Variants in PLPPR4 observed in about 807,000 individuals in gnomAD.
PLPPR4 encodes phospholipid phosphatase-related protein type 4.
PLPPR4 carries 24 observed loss-of-function variants against 56.6 expected under a neutral mutation model. That is an observed-to-expected ratio of 0.42 (90% confidence interval 0.31 to 0.60). The LOEUF is 0.60. Ranked by LOEUF, PLPPR4 falls within the 20% of genes least tolerant of loss-of-function variation. The probability of loss-of-function intolerance (pLI) is 0.13; values close to 1 mark genes in which losing one functional copy is unlikely to be tolerated. For missense variants in PLPPR4, 654 were observed against 885.8 expected (o/e 0.74, Z 3.32); for synonymous variants, 326 against 328.1 (o/e 0.99, Z 0.07).
chr1:99,298,116 A>T (rs941909057), intron 3 of PLPPR4, among the ~76,000 whole-genome samples: 2 of 152,164 alleles, frequency 1.3e-5, no homozygotes, highest in Admixed American at 6.6e-5. Context: ...AATGTAAAAC[A>T]GGGTAATGTG....
At chr1:99,305,307 A>T (rs575984096) in intron 6 of PLPPR4, among the ~76,000 whole-genome samples, 1 of 152,320 alleles carries the variant, frequency 6.6e-6, no homozygotes, top group East Asian at 1.9e-4. Context: ...TAAATCATTT[A>T]AGCCATTTGA....
In PLPPR4 at chr1:99,301,826, A is replaced by C; in HGVS notation, c.751A>C (p.Thr251Pro). 1 of 1,612,888 alleles carries C rather than the reference A, an allele frequency of 6.2e-7. No homozygotes were observed. Among genetic ancestry groups the C allele is most frequent in the Non-Finnish European group, 8.5e-7 (1 of 1,179,094 alleles). The change falls in exon 6 of 7, where the codon ACT (threonine) becomes CCT (proline). Residue 251 changes from threonine to proline, a missense_variant. This residue lies in a region of PLPPR4 where 186 missense variants were observed against 331.4 expected (regional missense o/e 0.56). Transcript: ENST00000370185. ...CGIICGLTRI[T>P]QYKNHPVDVY... Reference sequence around the variant, plus strand: ...AATAATCTGCGGGCTAACACGGATAACTCAGTATAAGAACCACCCAGTTGA... The same window carrying C: ...AATAATCTGCGGGCTAACACGGATACCTCAGTATAAGAACCACCCAGTTGA...
At chr1:99,286,156 T>C (rs1257969626) in intron 1 of PLPPR4, among the ~76,000 whole-genome samples, 1 of 152,188 alleles carries the variant, frequency 6.6e-6, no homozygotes, top group Non-Finnish European at 1.5e-5. Context: ...ATGAATAACT[T>C]TTAGTGTGAG....
intron 3 of PLPPR4, among the ~76,000 whole-genome samples, chr1:99,297,103 T>C (rs819908): frequency 0.58 from 87,727 of 151,926 alleles, 26,173 homozygotes; most frequent in African/African-American, 0.72. Context: ...TGTGTTTCAA[T>C]TTATTTTTGC....
chr1:99,264,734 G>A, intron 1 of PLPPR4, 63 bp downstream of exon 1: 2 of 1,521,570 alleles, frequency 1.3e-6, no homozygotes, highest in Admixed American at 2.0e-5. Flanking sequence ...GCGAATTCAG[G>A]TCCTGGACAG....
At chr1:99,294,709 A>G (rs537646500) in intron 2 of PLPPR4, among the ~76,000 whole-genome samples, 3 of 152,066 alleles carry the variant, frequency 2.0e-5, no homozygotes, top group African/African-American at 4.8e-5. Context: ...AAAAAAAAAA[A>G]AAAACTCCTG....
intron 1 of PLPPR4, among the ~76,000 whole-genome samples, chr1:99,287,024 A>G (rs888240038): frequency 6.6e-6 from 1 of 151,898 alleles, no homozygotes; most frequent in African/African-American, 2.4e-5. Context: ...CCTGTCTTCT[A>G]AGTTCCCTCC....
At chr1:99,273,755 G>A (rs1659114985) in intron 1 of PLPPR4, among the ~76,000 whole-genome samples, 1 of 152,032 alleles carries the variant, frequency 6.6e-6, no homozygotes, top group Non-Finnish European at 1.5e-5. Flanking sequence ...GTCTATAGTA[G>A]AATTTCAATA....
chr1:99,268,616 A>AACC (rs1293983776), intron 1 of PLPPR4, among the ~76,000 whole-genome samples: 1 of 152,174 alleles, frequency 6.6e-6, no homozygotes, highest in Admixed American at 6.5e-5. Flanking sequence ...GGTTGACAGT[A>AACC]ATATTAGATG....
intron 6 of PLPPR4, among the ~76,000 whole-genome samples, chr1:99,303,340 C>G (rs1165491053): frequency 6.6e-6 from 1 of 152,012 alleles, no homozygotes; most frequent in African/African-American, 2.4e-5. Context: ...ACAGATGAAG[C>G]AGATTTGTGG....
intron 1 of PLPPR4, among the ~76,000 whole-genome samples, chr1:99,284,227 A>C (rs1034861617): frequency 6.6e-6 from 1 of 152,238 alleles, no homozygotes; most frequent in African/African-American, 2.4e-5. Context: ...TTCAAAAGAT[A>C]AAAAGGTAAC....
intron 2 of PLPPR4, among the ~76,000 whole-genome samples, chr1:99,293,903 T>C (rs1164882934): frequency 1.3e-5 from 2 of 152,180 alleles, no homozygotes; most frequent in Non-Finnish European, 2.9e-5. Flanking sequence ...GTAGTCATTA[T>C]AATATCTCCT....
upstream of PLPPR4, among the ~76,000 whole-genome samples, chr1:99,262,952 C>T (rs712898): frequency 0.03 from 4,529 of 152,146 alleles, 229 homozygotes; most frequent in African/African-American, 0.1. Context: ...CAAGAGATGG[C>T]GGTCGCTGTG....
intron 6 of PLPPR4, among the ~76,000 whole-genome samples, chr1:99,302,223 A>G (rs1331961262): frequency 6.6e-6 from 1 of 152,132 alleles, no homozygotes; most frequent in Admixed American, 6.6e-5. Context: ...AAGTAAGGTT[A>G]GTGAAAGCAA....
chr1:99,302,012 T>C, intron 6 of PLPPR4, 115 bp downstream of exon 6: 2 of 623,418 alleles, frequency 3.2e-6, no homozygotes, highest in African/African-American at 1.9e-5. Flanking sequence ...AGAAAATCTC[T>C]GGCCGCATCT....
chr1:99,294,093 C>T (rs1659684863), intron 2 of PLPPR4, among the ~76,000 whole-genome samples: 1 of 111,906 alleles, frequency 8.9e-6, no homozygotes, highest in Non-Finnish European at 1.9e-5. Context: ...CAACACTGTG[C>T]CATTCAAAAA....
intron 1 of PLPPR4, among the ~76,000 whole-genome samples, chr1:99,269,705 C>G (rs924689577): frequency 6.6e-6 from 1 of 152,078 alleles, no homozygotes; most frequent in African/African-American, 2.4e-5. Flanking sequence ...TATGACAAAC[C>G]TGATGCTAAT....
chr1:99,290,170 C>CA (rs1659580496), intron 2 of PLPPR4, among the ~76,000 whole-genome samples: 1 of 151,836 alleles, frequency 6.6e-6, no homozygotes, highest in Admixed American at 6.6e-5. Flanking sequence ...AGAGCCAAAT[C>CA]AAAAAAGAAC....
chr1:99,297,594 T>C (rs897160125), intron 3 of PLPPR4, among the ~76,000 whole-genome samples: 2 of 152,200 alleles, frequency 1.3e-5, no homozygotes, highest in Non-Finnish European at 2.9e-5. Flanking sequence ...AAGTTATTTT[T>C]ACCTGTAACA....
Sources: allele counts gnomAD v4.1 joint callset (sites outside exome capture counted in the v4.1 genomes callset), GRCh38; gene constraint gnomAD v4.1.1; regional missense constraint gnomAD v4.1.1; transcripts MANE v1.5; gene names NCBI Gene and HGNC (gene_info 2026-07-23, HGNC 2026-07-21).